Variants in PIP4K2C observed in about 807,000 individuals in gnomAD.
PIP4K2C encodes the protein phosphatidylinositol 5-phosphate 4-kinase type-2 gamma.
PIP4K2C carries 21 observed loss-of-function variants against 45.0 expected under a neutral mutation model. The observed-to-expected ratio is 0.47, with a 90% confidence interval of 0.33 to 0.67. The LOEUF (loss-of-function observed/expected upper bound fraction) is 0.67. Ranked by LOEUF, PIP4K2C falls within the 30% of genes least tolerant of loss-of-function variation. The pLI is 0.02. For missense variants in PIP4K2C, 456 were observed against 542.8 expected (o/e 0.84, Z 1.59); for synonymous variants, 201 against 204.8 (o/e 0.98, Z 0.16).
chr12:57,600,659 A>G, intron 7 of PIP4K2C, 152 bp from the exon 8 acceptor site: 1 of 956,782 alleles, frequency 1.0e-6, no homozygotes, highest in South Asian at 1.5e-5. Context: ...ACTAGGACAT[A>G]TAGGCACTAA....
At chr12:57,593,778 T>C (rs1883073100) in intron 1 of PIP4K2C, among the ~76,000 whole-genome samples, 1 of 149,878 alleles carries the variant, frequency 6.7e-6, no homozygotes, top group African/African-American at 2.5e-5. Context: ...AAATGACTGT[T>C]GTGAGCATGA....
rs147041101 is a variant in PIP4K2C, at chr12:57,599,136, C to T, written c.585C>T (p.Asn195=). ...FLGMYRVSVD[N]EDSYMLVMRN... ...GGATGTACCGAGTCAGTGTGGACAA[C>T]GAAGACAGCTACATGCTTGTGATGC... Residue 195 remains asparagine, a synonymous_variant, in exon 5 of 10, where the codon AAC becomes AAT. Transcript: ENST00000354947. 4.3e-5 allele frequency: 69 copies of T among 1,614,026 alleles called. 1 individual carries two copies. The East Asian group carries it at 5.3e-4, about 13-fold the overall frequency.
chr12:57,591,560 GC>G lies in PIP4K2C; in HGVS notation c.174+99del. On this transcript the variant is annotated intron_variant, in intron 1 of 9. Coordinates refer to ENST00000354947, the MANE Select transcript of PIP4K2C (RefSeq NM_024779.5). ...TCCAGCCTCCGGAGCCCCACGCAGT[GC>G]CACTCCCCTCCCCCGGGTTGTCTTG... The G allele has an allele frequency of 3.7e-6, 5 of 1,362,354 alleles. No homozygotes were observed. In the South Asian group the frequency reaches 6.0e-5, roughly 16 times the overall value. 84.4% of individuals were successfully genotyped at this position (1,362,354 alleles called of 1,614,324 possible). A position where few individuals can be genotyped will look rare whatever the true frequency, so the allele number is the denominator to read the frequency against.
At position 57,599,206 on chromosome 12, in the gene PIP4K2C, C is replaced by T. The variant is rs1883321865; in HGVS notation, c.655C>T (p.Leu219Phe). 1 of 1,614,092 alleles carries T rather than the reference C, an allele frequency of 6.2e-7. No individual in the cohort carries two copies. The highest frequency in any genetic ancestry group is 1.1e-5 in the South Asian group (1 of 91,080). Residue 219 changes from leucine to phenylalanine, a missense_variant, in exon 5 of 10, where the codon CTC (leucine) becomes TTC (phenylalanine). Coordinates refer to ENST00000354947, the MANE Select transcript of PIP4K2C (RefSeq NM_024779.5). ...HRLPVHRKYDLKGSLVSREAS... is the reference protein window; with the variant it reads ...HRLPVHRKYDFKGSLVSREAS... ...TCTTCCTGTGCACAGGAAGTATGAC[C>T]TCAAGGTAAGAAGAGGGTAGCTCGG...
chr12:57,600,022 G>T (rs536355962), intron 6 of PIP4K2C, among the ~76,000 whole-genome samples: 2 of 149,302 alleles, frequency 1.3e-5, no homozygotes, highest in South Asian at 4.2e-4. Flanking sequence ...TCCAGCCTGG[G>T]CAACAGAGTG....
intron 7 of PIP4K2C, 131 bp downstream of exon 7, chr12:57,600,568 G>T: frequency 1.2e-6 from 1 of 802,876 alleles, no homozygotes; most frequent in Non-Finnish European, 2.0e-6. Context: ...CTATATGGGG[G>T]TTTAGTATGA....
Position 57,601,701 on chromosome 12 carries a change from C to T in PIP4K2C, c.*95C>T. On this transcript the variant is annotated 3_prime_UTR_variant, in exon 10 of 10. Coordinates refer to ENST00000354947, the MANE Select transcript of PIP4K2C (RefSeq NM_024779.5). ...ATTCTAGCCACCAGTTCTCTTCTTC[C>T]TTTGCTAAATTCAGGCTGCAGGCTC... 1.8e-6 allele frequency: 2 copies of T among 1,142,156 alleles called. No homozygotes were observed. The highest frequency in any genetic ancestry group is 2.7e-6 in the Non-Finnish European group (2 of 753,090). The allele number at this position is 1,142,156 out of a possible 1,614,324, so 70.8% of individuals were successfully genotyped here. A position where few individuals can be genotyped will look rare whatever the true frequency, so the allele number is the denominator to read the frequency against.
intron 7 of PIP4K2C, 42 bp downstream of exon 7, chr12:57,600,479 C>A: frequency 1.5e-6 from 2 of 1,358,506 alleles, no homozygotes; most frequent in Non-Finnish European, 2.1e-6. Context: ...CCTTTTTTTG[C>A]TCCCTAGAGG....
At position 57,592,875 on chromosome 12, in the gene PIP4K2C, A is replaced by G. The variant is rs2140181911; in HGVS notation, c.175-1150A>G. ...AGGGGGCAGGAGGAGCTATAGCTGAATTTTAGGCTGGGAGTCTCAAGTGGC... is the reference window on the plus strand; with the variant it reads ...AGGGGGCAGGAGGAGCTATAGCTGAGTTTTAGGCTGGGAGTCTCAAGTGGC... On this transcript the variant is annotated intron_variant, in intron 1 of 9. Transcript: ENST00000354947. 2.7e-5 allele frequency among the ~76,000 whole-genome samples: 4 copies of G among 150,156 alleles called. No homozygotes were observed. In the Middle Eastern group the frequency reaches 0.014, roughly 536 times the overall value.
At chr12:57,593,135 G>A (rs911025718) in intron 1 of PIP4K2C, among the ~76,000 whole-genome samples, 13 of 152,136 alleles carry the variant, frequency 8.5e-5, no homozygotes, top group African/African-American at 2.9e-4. Flanking sequence ...CAGACGACTA[G>A]AATGAGCCCT....
chr12:57,598,838 TA>T (rs1158397272), intron 4 of PIP4K2C, among the ~76,000 whole-genome samples: 1 of 152,138 alleles, frequency 6.6e-6, no homozygotes, highest in African/African-American at 2.4e-5. Context: ...AGATGACACT[TA>T]AAAATTAAGA....
rs746221705 is a variant in PIP4K2C, at chr12:57,601,143, G to T, written c.1081+65G>T. The T allele has an allele frequency of 1.2e-5, 19 of 1,600,408 alleles. 1 individual carries two copies. The highest frequency in any genetic ancestry group is 8.9e-5 in the South Asian group (8 of 90,250). ...TTTCCTGGAGGACAGAGACCAGAGT[G>T]CTGGGGGAGAGCCTGATTAGCTTTT... On this transcript the variant is annotated intron_variant, in intron 8 of 9. Transcript: ENST00000354947.
intron 1 of PIP4K2C, among the ~76,000 whole-genome samples, 178 bp from the exon 2 acceptor site, chr12:57,593,844 CCTT>C (rs1883076526): frequency 1.3e-5 from 2 of 151,808 alleles, no homozygotes; most frequent in South Asian, 2.1e-4. Context: ...TTACTGTAGT[CCTT>C]CTTGGGCAGC....
chr12:57,593,418 C>T (rs546366014), intron 1 of PIP4K2C, among the ~76,000 whole-genome samples: 3 of 150,504 alleles, frequency 2.0e-5, no homozygotes, highest in Non-Finnish European at 4.4e-5. Context: ...CCTCTGATTG[C>T]CTGCATTCGC....
intron 7 of PIP4K2C, 137 bp from the exon 8 acceptor site, chr12:57,600,674 A>G (rs1594943122): frequency 1.9e-6 from 2 of 1,077,392 alleles, no homozygotes; most frequent in African/African-American, 3.2e-5. Context: ...CACTAAAGGC[A>G]GTGGTATGCC....
rs1322300638 is a variant in PIP4K2C at position 57,600,326 on chromosome 12, T to G, written c.702T>G (p.Val234=). The change falls in exon 7 of 10, where the codon GTT becomes GTG. Residue 234 remains valine (V), a splice_region_variant and synonymous_variant. Transcript: ENST00000354947. ...GATGTCCCTTTACATATTCTTAGGTTAAAGAATTGCCCACCCTTAAGGATA... is the reference window on the plus strand; with the variant it reads ...GATGTCCCTTTACATATTCTTAGGTGAAAGAATTGCCCACCCTTAAGGATA... ...VSREASDKEK[V]KELPTLKDMD... 9 of 1,585,272 alleles carry G rather than the reference T, an allele frequency of 5.7e-6. No individual in the cohort carries two copies. The Admixed American group carries it at 1.5e-4, about 27-fold the overall frequency.
In PIP4K2C at chr12:57,595,198, T is replaced by C. The variant is rs778904233; in HGVS notation, c.345T>C (p.Phe115=). 2.8e-5 allele frequency: 45 copies of C among 1,609,500 alleles called. No homozygotes were observed. In the Middle Eastern group the frequency reaches 8.3e-4, roughly 30 times the overall value. The change falls in exon 3 of 10, where the codon TTT becomes TTC. Residue 115 remains phenylalanine (F), a synonymous_variant. Transcript: ENST00000354947. ...TCTTCAGGAACCTCCGTGATCGATT[T>C]GGCATTGATGACCAAGATTACTTGG... ...PQVFRNLRDR[F]GIDDQDYLVS...
At chr12:57,599,486 G>A (rs780203219) in intron 6 of PIP4K2C, 48 bp downstream of exon 6, 2 of 1,598,854 alleles carry the variant, frequency 1.3e-6, no homozygotes, top group South Asian at 2.2e-5. Flanking sequence ...GATGAGGGAG[G>A]GCAGATGAGG....
intron 6 of PIP4K2C, among the ~76,000 whole-genome samples, 199 bp from the exon 7 acceptor site, chr12:57,600,125 T>C (rs1377144590): frequency 2.1e-5 from 3 of 143,646 alleles, no homozygotes; most frequent in Admixed American, 6.8e-5. Context: ...AAGCAGAGAG[T>C]AGTGGGATGT....
Sources: allele counts gnomAD v4.1 joint callset (sites outside exome capture counted in the v4.1 genomes callset), GRCh38; gene constraint gnomAD v4.1.1; transcripts MANE v1.5; gene names NCBI Gene and HGNC (gene_info 2026-07-23, HGNC 2026-07-21).